Variants in MOB1A observed in about 807,000 individuals in gnomAD.
MOB1A encodes the protein MOB1 Mps One Binder homolog A.
A neutral mutation model predicts 25.1 loss-of-function variants in MOB1A; 10 were observed. The ratio of observed to expected loss-of-function variants is 0.40; its 90% CI spans 0.25 to 0.68. The LOEUF (loss-of-function observed/expected upper bound fraction) is 0.68, where lower values mean the gene tolerates loss of function less well. MOB1A is among the 30% of genes least tolerant of loss of function. The pLI, the probability that MOB1A is intolerant of heterozygous loss-of-function variation, is 0.40. For synonymous variants in MOB1A, 81 were observed against 79.5 expected (o/e 1.02, Z -0.10); for missense variants, 177 against 256.3 (o/e 0.69, Z 2.11).
chr2:74,170,109 T>A (rs1343498576), intron 2 of MOB1A, among the ~76,000 whole-genome samples: 2 of 151,234 alleles, frequency 1.3e-5, no homozygotes, highest in East Asian at 4.0e-4. Context: ...CAGATGATAA[T>A]CTGAATAAAG....
intron 1 of MOB1A, chr2:74,173,093 A>G (rs1693342995): frequency 8.6e-6 from 4 of 466,120 alleles, no homozygotes; most frequent in Non-Finnish European, 1.7e-5. Context: ...CTGAAATCGC[A>G]TCACTGCACT....
chr2:74,159,393 C>T, intron 4 of MOB1A, 139 bp from the exon 5 acceptor site: 1 of 708,048 alleles, frequency 1.4e-6, no homozygotes, highest in East Asian at 2.7e-5. Flanking sequence ...CTGGGCTCAA[C>T]TGATCCTCCC....
In MOB1A at chr2:74,153,317, C is replaced by A. The variant is rs775083964; in HGVS notation, c.*3251G>T. On this transcript the variant is annotated 3_prime_UTR_variant, in exon 6 of 6. Transcript: ENST00000396049. ...TTTGAGAAGCTCTACTTCTAGTATA[C>A]CTCAATGCTCAGAGAGAAAGCCAAC... 2 of 152,120 alleles carry A rather than the reference C, an allele frequency of 1.3e-5. No homozygotes were observed. Among genetic ancestry groups the A allele is most frequent in the Non-Finnish European group, 2.9e-5 (2 of 68,040 alleles). 9.4% of individuals were successfully genotyped at this position (152,120 alleles called of 1,614,324 possible).
At chr2:74,166,483 C>T (rs1693131861) in intron 3 of MOB1A, among the ~76,000 whole-genome samples, 1 of 152,172 alleles carries the variant, frequency 6.6e-6, no homozygotes, top group Admixed American at 6.5e-5. Flanking sequence ...TTCAGACTTA[C>T]TATGATGCAA....
At chr2:74,173,237 G>A (rs1693347915) in intron 1 of MOB1A, 3 of 516,660 alleles carry the variant, frequency 5.8e-6, no homozygotes, top group Non-Finnish European at 1.2e-5. Context: ...AAGATTAGCA[G>A]CACAATTCCA....
At chr2:74,169,461 T>C (rs775882314) in intron 2 of MOB1A, among the ~76,000 whole-genome samples, 1 of 151,940 alleles carries the variant, frequency 6.6e-6, no homozygotes, top group Non-Finnish European at 1.5e-5. Flanking sequence ...ATCGTGACAC[T>C]GCACTCCAGC....
In MOB1A at chr2:74,152,623, C is replaced by T. The variant is rs915196502; in HGVS notation, c.*3945G>A. ...TTGCTTTCAATATATTTTATTCTGA[C>T]GAAGTTACAAAAGTAGATACAAAAT... On this transcript the variant is annotated 3_prime_UTR_variant, in exon 6 of 6. Coordinates refer to ENST00000396049, the MANE Select transcript of MOB1A (RefSeq NM_018221.5). The T allele has an allele frequency of 7.9e-5, 12 of 151,960 alleles. No homozygotes were observed. The highest frequency in any genetic ancestry group is 9.7e-5 in the African/African-American group (4 of 41,358). The allele number at this position is 151,960 out of a possible 1,614,324, so 9.4% of individuals were successfully genotyped here. A position where few individuals can be genotyped will look rare whatever the true frequency, so the allele number is the denominator to read the frequency against.
intron 5 of MOB1A, among the ~76,000 whole-genome samples, chr2:74,158,758 C>A (rs1692874535): frequency 7.0e-6 from 1 of 143,796 alleles, no homozygotes. Context: ...TAGCCTGGGC[C>A]ACAGAGTGAG....
chr2:74,170,653 T>C (rs1693265696), intron 2 of MOB1A, among the ~76,000 whole-genome samples: 1 of 145,864 alleles, frequency 6.9e-6, no homozygotes, highest in Admixed American at 7.1e-5. Context: ...AAGAATCACC[T>C]GAACACAGGA....
intron 4 of MOB1A, among the ~76,000 whole-genome samples, chr2:74,160,687 G>GA (rs1558831953): frequency 6.6e-6 from 1 of 151,242 alleles, no homozygotes; most frequent in Non-Finnish European, 1.5e-5. Context: ...GTGACAGAGC[G>GA]AGACTCCGTC....
intron 5 of MOB1A, 44 bp from the exon 6 acceptor site, chr2:74,156,689 T>C: frequency 7.3e-7 from 1 of 1,376,450 alleles, no homozygotes; most frequent in Non-Finnish European, 1.0e-6. Flanking sequence ...GATCTAAAAC[T>C]GAAACTCTGT....
intron 2 of MOB1A, among the ~76,000 whole-genome samples, chr2:74,168,477 T>C (rs911410256): frequency 7.2e-5 from 11 of 152,112 alleles, no homozygotes; most frequent in African/African-American, 1.2e-4. Flanking sequence ...CCGGTCTCTA[T>C]TGAAAATTTT....
At chr2:74,165,985 C>T (rs1693119368) in intron 3 of MOB1A, among the ~76,000 whole-genome samples, 1 of 151,874 alleles carries the variant, frequency 6.6e-6, no homozygotes, top group African/African-American at 2.4e-5. Context: ...AAAAATAGAA[C>T]TACAAACTCA....
In MOB1A at chr2:74,156,400, A is replaced by G. The variant is rs2103684424; in HGVS notation, c.*168T>C. 1.6e-6 allele frequency: 1 copy of G among 640,138 alleles called. No homozygotes were observed. Among genetic ancestry groups the G allele is most frequent in the Non-Finnish European group, 2.8e-6 (1 of 362,476 alleles). The allele number at this position is 640,138 out of a possible 1,614,324, so 39.7% of individuals were successfully genotyped here. On this transcript the variant is annotated 3_prime_UTR_variant, in exon 6 of 6. Coordinates refer to ENST00000396049, the MANE Select transcript of MOB1A (RefSeq NM_018221.5). ...TGTGTCCTTAAGGTCTTACTCGGAA[A>G]CTATCACACCAACCTACCTTTGGGA...
At chr2:74,167,745 T>C (rs1375809233) in intron 2 of MOB1A, among the ~76,000 whole-genome samples, 1 of 152,290 alleles carries the variant, frequency 6.6e-6, no homozygotes, top group Non-Finnish European at 1.5e-5. Context: ...ACATTTGTTT[T>C]TGAGGTCTAC....
At position 74,153,430 on chromosome 2, in the gene MOB1A, C is replaced by T. The variant is rs1447719945; in HGVS notation, c.*3138G>A. Reference sequence around the variant, plus strand: ...GCCTTGGCACTACTAAAAAACTTTACCTTTGTTACTAAAGTCATGGTGAAT... The same window carrying T: ...GCCTTGGCACTACTAAAAAACTTTATCTTTGTTACTAAAGTCATGGTGAAT... On this transcript the variant is annotated 3_prime_UTR_variant, in exon 6 of 6. Coordinates refer to ENST00000396049, the MANE Select transcript of MOB1A (RefSeq NM_018221.5). 1 of 152,126 alleles carries T rather than the reference C, an allele frequency of 6.6e-6. No individual in the cohort carries two copies. The highest frequency in any genetic ancestry group is 1.5e-5 in the Non-Finnish European group (1 of 68,014). 9.4% of individuals were successfully genotyped at this position (152,126 alleles called of 1,614,324 possible).
chr2:74,159,824 C>CT (rs915644876), intron 4 of MOB1A, among the ~76,000 whole-genome samples: 28 of 105,328 alleles, frequency 2.7e-4, no homozygotes, highest in African/African-American at 8.4e-4. Flanking sequence ...TTTGTCCCCC[C>CT]CCCCACCCCG....
At chr2:74,173,629 G>A (rs1444848115) in intron 1 of MOB1A, among the ~76,000 whole-genome samples, 3 of 150,604 alleles carry the variant, frequency 2.0e-5, no homozygotes, top group Non-Finnish European at 4.4e-5. Flanking sequence ...TGATACACCC[G>A]CCTCAGCCTC....
intron 1 of MOB1A, among the ~76,000 whole-genome samples, chr2:74,177,401 C>T (rs1488703408): frequency 6.6e-6 from 1 of 152,130 alleles, no homozygotes; most frequent in Non-Finnish European, 1.5e-5. Flanking sequence ...CACAAAGCAA[C>T]TGTGCATTCA....
Sources: gnomAD v4.1 joint callset for allele counts (sites outside exome capture counted in the v4.1 genomes callset) on GRCh38, gnomAD v4.1.1 for gene constraint, MANE v1.5 for transcripts, NCBI Gene and HGNC (gene_info 2026-07-23, HGNC 2026-07-21) for gene names.